NBEAL1: variants seen among roughly 807,000 people sequenced by gnomAD.
The protein encoded by NBEAL1 is neurobeachin like 1.
In NBEAL1, 273 loss-of-function variants were observed where a neutral mutation model predicts 351.3. That is an observed-to-expected ratio of 0.78 (90% CI 0.70 to 0.86). NBEAL1 has a LOEUF of 0.86. Among genes scored for constraint, NBEAL1 ranks in the 40% least tolerant of loss-of-function variants. The probability of loss-of-function intolerance (pLI) is 0.00; values close to 1 mark genes in which losing one functional copy is unlikely to be tolerated. For synonymous variants in NBEAL1, 1,050 were observed against 1,086.4 expected, an observed-to-expected ratio of 0.97 and a Z score of 0.66; for missense variants, 2,961 against 3,201.3, an observed-to-expected ratio of 0.92 and a Z score of 1.81.
In NBEAL1 at chr2:203,167,290, A is replaced by C; in HGVS notation, c.5927A>C (p.Asn1976Thr). 1.2e-6 allele frequency: 2 copies of C among 1,613,008 alleles called. No homozygotes were observed. Among genetic ancestry groups the C allele is most frequent in the Non-Finnish European group, 1.7e-6 (2 of 1,179,574 alleles). Residue 1976 changes from asparagine to threonine, a missense_variant, in exon 38 of 56, where the codon AAT (asparagine) becomes ACT (threonine). Physicochemically the swap from Asn to Thr is moderately conservative, Grantham distance 65. Transcript: ENST00000683969. The part of the protein sequence containing the change: ...QIREIHLRRY[N>T]LRRSALEIFH... Reference sequence around the variant, plus strand: ...CGAGAGATTCATCTCCGGCGTTACAATTTAAGAAGATCAGCCCTTGAGATT... The same window carrying C: ...CGAGAGATTCATCTCCGGCGTTACACTTTAAGAAGATCAGCCCTTGAGATT...
rs1455582976 is a variant in NBEAL1 at position 203,049,886 on chromosome 2, A to G, written c.216A>G (p.Leu72=). 2 of 1,556,970 alleles carry G rather than the reference A, an allele frequency of 1.3e-6. No homozygotes were observed. The highest frequency in any genetic ancestry group is 1.2e-5 in the South Asian group (1 of 84,604). Residue 72 remains leucine (L), a synonymous_variant, in exon 4 of 56, where the codon CTA becomes CTG. Transcript: ENST00000683969. Reference sequence around the variant, plus strand: ...TGCAGGTTCTGAGGATCCAGCTTCTACAGTGTGTTCAGAAAATGGCAGATG... The same window carrying G: ...TGCAGGTTCTGAGGATCCAGCTTCTGCAGTGTGTTCAGAAAATGGCAGATG... ...NILQVLRIQL[L]QCVQKMADGL...
chr2:203,061,578 T>C (rs942520011), intron 6 of NBEAL1: 8 of 153,140 alleles, frequency 5.2e-5, no homozygotes, highest in African/African-American at 1.9e-4. Flanking sequence ...TTTTCTCCAC[T>C]GTGAGCCCTT....
At chr2:203,137,376 T>C (rs768425208) in intron 29 of NBEAL1, among the ~76,000 whole-genome samples, 22 of 152,224 alleles carry the variant, frequency 1.4e-4, no homozygotes, top group Non-Finnish European at 2.5e-4. Flanking sequence ...TCTTCCAGTG[T>C]GGCTCAGGTA....
At chr2:203,133,025 T>C in intron 26 of NBEAL1, 33 bp from the exon 27 acceptor site, 3 of 973,922 alleles carry the variant, frequency 3.1e-6, no homozygotes, top group Non-Finnish European at 4.6e-6. Context: ...ATCTCTGGTA[T>C]TTAATTTTAA....
intron 44 of NBEAL1, among the ~76,000 whole-genome samples, chr2:203,183,947 G>A (rs1196816456): frequency 9.9e-5 from 15 of 151,944 alleles, no homozygotes; most frequent in South Asian, 2.1e-4. Flanking sequence ...GCGTGGTGGC[G>A]CATGCCTATA....
chr2:203,043,975 A>G (rs546692926), intron 3 of NBEAL1, among the ~76,000 whole-genome samples: 1 of 152,262 alleles, frequency 6.6e-6, no homozygotes, highest in East Asian at 1.9e-4. Flanking sequence ...ATGGAAAATA[A>G]GAGTGCTACT....
At chr2:203,132,913 ATTTT>A in intron 26 of NBEAL1, 141 bp from the exon 27 acceptor site, 1 of 534,590 alleles carries the variant, frequency 1.9e-6, no homozygotes, top group South Asian at 2.7e-5. Context: ...TTCTAAACCT[ATTTT>A]TTCTTTAAAA....
At chr2:203,094,993 G>C (rs1010403368) in intron 10 of NBEAL1, among the ~76,000 whole-genome samples, 3 of 151,852 alleles carry the variant, frequency 2.0e-5, no homozygotes, top group Non-Finnish European at 4.4e-5. Context: ...GCGTGGTGGC[G>C]CATGCCTGTA....
At chr2:203,168,831 T>G (rs185266923) in intron 38 of NBEAL1, among the ~76,000 whole-genome samples, 2 of 145,532 alleles carry the variant, frequency 1.4e-5, no homozygotes, top group Non-Finnish European at 3.0e-5. Context: ...GAGGCAGAGG[T>G]TACAGTGAGC....
intron 12 of NBEAL1, among the ~76,000 whole-genome samples, chr2:203,102,659 A>G (rs941178601): frequency 6.6e-6 from 1 of 152,188 alleles, no homozygotes; most frequent in African/African-American, 2.4e-5. Context: ...GATAAAGCCT[A>G]CTTGATCATA....
chr2:203,126,285 T>A (rs939258534), intron 21 of NBEAL1, among the ~76,000 whole-genome samples, 192 bp downstream of exon 21: 24 of 152,206 alleles, frequency 1.6e-4, no homozygotes, highest in African/African-American at 5.5e-4. Flanking sequence ...ACTTATTTTA[T>A]GTAATAGTGT....
At chr2:203,129,859 A>G (rs746517328) in intron 24 of NBEAL1, among the ~76,000 whole-genome samples, 1 of 152,210 alleles carries the variant, frequency 6.6e-6, no homozygotes, top group African/African-American at 2.4e-5. Flanking sequence ...TAGTGAAAGG[A>G]TATACTAAAG....
At chr2:203,090,544 A>G (rs2062043273) in intron 10 of NBEAL1, among the ~76,000 whole-genome samples, 1 of 152,198 alleles carries the variant, frequency 6.6e-6, no homozygotes, top group Non-Finnish European at 1.5e-5. Context: ...AAAATAAAAT[A>G]AATTATATAT....
chr2:203,094,283 T>C (rs1340664059), intron 10 of NBEAL1, among the ~76,000 whole-genome samples: 1 of 152,216 alleles, frequency 6.6e-6, no homozygotes, highest in Non-Finnish European at 1.5e-5. Flanking sequence ...TTTATGGACA[T>C]AGTTGATATG....
In NBEAL1 at chr2:203,202,734, T is replaced by C. The variant is rs1262037717; in HGVS notation, c.7459T>C (p.Ser2487Pro). 1 of 1,603,556 alleles carries C rather than the reference T, an allele frequency of 6.2e-7. No individual in the cohort carries two copies. Among genetic ancestry groups the C allele is most frequent in the Admixed American group, 1.7e-5 (1 of 59,958 alleles). ...ATDYCGIHLI[S>P]GSRDTTCMIW... Reference sequence around the variant, plus strand: ...AGATTACTGTGGAATACATTTGATTTCTGGTTCCAGAGATACTACATGTAT... The same window carrying C: ...AGATTACTGTGGAATACATTTGATTCCTGGTTCCAGAGATACTACATGTAT... The change falls in exon 51 of 56, where the codon TCT becomes CCT. Residue 2487 changes from serine to proline, a missense_variant. Ser to Pro is a moderately conservative substitution (Grantham distance 74). Coordinates refer to ENST00000683969, the MANE Select transcript of NBEAL1 (RefSeq NM_001378026.1).
At chr2:203,213,707 T>A in intron 55 of NBEAL1, 54 bp downstream of exon 55, 2 of 1,601,826 alleles carry the variant, frequency 1.2e-6, no homozygotes, top group South Asian at 2.3e-5. Context: ...ATTACTTTGG[T>A]TCTCCTTCAT....
At chr2:203,066,094 A>G (rs1018822909) in intron 6 of NBEAL1, among the ~76,000 whole-genome samples, 20 of 152,222 alleles carry the variant, frequency 1.3e-4, no homozygotes, top group Non-Finnish European at 2.8e-4. Flanking sequence ...TATATTGGAA[A>G]TTATGTTCAT....
At chr2:203,182,512 G>A (rs1170368415) in intron 43 of NBEAL1, 1 of 152,210 alleles carries the variant, frequency 6.6e-6, no homozygotes, top group Non-Finnish European at 1.5e-5. Context: ...ATGAAATAAA[G>A]GTTCTGCTAG....
chr2:203,166,176 AG>A lies in NBEAL1; in HGVS notation c.5743del (p.Glu1915LysfsTer5). ...ATGAGAAAGAAGAACAGGATCAAAA[AG>A]AAAAATTGGTATTGATGGAAGACTG... ...VDEKEEQDQK[E>X]KLVLMEDCEL... On this transcript the variant is annotated frameshift_variant, in exon 37 of 56. Transcript: ENST00000683969. LOFTEE classifies it high-confidence loss of function. The A allele has an allele frequency of 6.3e-7, 1 of 1,584,974 alleles. No individual in the cohort carries two copies. Among genetic ancestry groups the A allele is most frequent in the South Asian group, 1.2e-5 (1 of 83,842 alleles).
Sources: gnomAD v4.1 joint callset for allele counts (sites outside exome capture counted in the v4.1 genomes callset) on GRCh38, gnomAD v4.1.1 for gene constraint, MANE v1.5 for transcripts, NCBI Gene and HGNC (gene_info 2026-07-23, HGNC 2026-07-21) for gene names.